CEP128: variants seen among roughly 807,000 people sequenced by gnomAD.
CEP128 encodes centrosomal protein 128kDa.
A neutral mutation model predicts 156.7 loss-of-function variants in CEP128; 132 were observed. The ratio of observed to expected loss-of-function variants is 0.84; its 90% CI spans 0.73 to 0.97. The LOEUF (loss-of-function observed/expected upper bound fraction) is 0.97, where lower values mean the gene tolerates loss of function less well. Ranked by LOEUF, CEP128 falls within the 50% of genes least tolerant of loss-of-function variation. CEP128 has a pLI of 0.00. For synonymous variants in CEP128, 469 were observed against 448.9 expected (o/e 1.04, Z -0.57); for missense variants, 1,252 against 1,281.9 (o/e 0.98, Z 0.36).
rs910525768 is a variant in CEP128 at position 80,950,431 on chromosome 14, T to C, written c.-172+7747A>G. 1.8e-4 allele frequency among the ~76,000 whole-genome samples: 27 copies of C among 152,070 alleles called. 1 individual carries two copies. Among genetic ancestry groups the C allele is most frequent in the African/African-American group, 5.8e-4 (24 of 41,390 alleles). On this transcript the variant is annotated intron_variant, in intron 2 of 7. Coordinates refer to the CEP128 transcript ENST00000555529. ...TCAAAAAGTGTTATATAAAGAGACA[T>C]GGAAAATATGAAAAAAGCCCCAAGT...
At chr14:80,514,693 T>G (rs1174191872) in intron 23 of CEP128, 3 of 420,704 alleles carry the variant, frequency 7.1e-6, no homozygotes, top group Non-Finnish European at 1.4e-5. Flanking sequence ...AGGTCACATA[T>G]TTTTGTCACT....
chr14:80,912,833 A>G (rs1884326996), intron 4 of CEP128, among the ~76,000 whole-genome samples: 2 of 152,130 alleles, frequency 1.3e-5, no homozygotes, highest in East Asian at 3.8e-4. Context: ...TCAATACAAC[A>G]CAGATATGTA....
intron 19 of CEP128, among the ~76,000 whole-genome samples, chr14:80,725,340 G>A (rs1045576765): frequency 5.3e-5 from 8 of 151,560 alleles, no homozygotes; most frequent in African/African-American, 1.7e-4. Context: ...CCACCATGAC[G>A]CCCGGCTAAT....
chr14:80,878,673 C>CATGGGTAAGA (rs1760507074), intron 8 of CEP128, among the ~76,000 whole-genome samples: 1 of 152,060 alleles, frequency 6.6e-6, no homozygotes, highest in African/African-American at 2.4e-5. Context: ...TGCCTGCTCC[C>CATGGGTAAGA]ATGGGTAAGA....
At chr14:80,882,346 T>C (rs1040206941) in intron 8 of CEP128, among the ~76,000 whole-genome samples, 4 of 152,088 alleles carry the variant, frequency 2.6e-5, no homozygotes, top group African/African-American at 7.2e-5. Context: ...ATCAGAGAAA[T>C]ACAAATCAAA....
At chr14:80,507,626 T>C (rs555526803) in intron 23 of CEP128, among the ~76,000 whole-genome samples, 1 of 152,260 alleles carries the variant, frequency 6.6e-6, no homozygotes, top group East Asian at 1.9e-4. Context: ...GCTTTGATGA[T>C]TAGAGGCCAA....
At chr14:80,833,489 T>C (rs1217166908) in intron 12 of CEP128, among the ~76,000 whole-genome samples, 1 of 151,878 alleles carries the variant, frequency 6.6e-6, no homozygotes, top group Non-Finnish European at 1.5e-5. Context: ...GTATAAAATA[T>C]AAACAGCATT....
chr14:80,552,295 G>A (rs1168560905), intron 21 of CEP128, among the ~76,000 whole-genome samples: 1 of 145,128 alleles, frequency 6.9e-6, no homozygotes, highest in African/African-American at 2.6e-5. Context: ...GGGTGACAGA[G>A]TGAAACTCCA....
intron 15 of CEP128, among the ~76,000 whole-genome samples, chr14:80,781,566 A>G (rs1263718901): frequency 1.3e-5 from 2 of 151,996 alleles, no homozygotes; most frequent in Non-Finnish European, 2.9e-5. Flanking sequence ...ATAATTAACG[A>G]AGGTTTTTCA....
At chr14:80,745,609 T>G (rs969892108) in intron 18 of CEP128, among the ~76,000 whole-genome samples, 1 of 152,146 alleles carries the variant, frequency 6.6e-6, no homozygotes, top group African/African-American at 2.4e-5. Context: ...CTCCTTAATA[T>G]GATTTTTAAA....
chr14:80,892,261 A>C (rs1889137328), intron 8 of CEP128, among the ~76,000 whole-genome samples: 1 of 151,970 alleles, frequency 6.6e-6, no homozygotes, highest in African/African-American at 2.4e-5. Context: ...ACCCAAACAG[A>C]TATGGTCAAC....
intron 11 of CEP128, 69 bp from the exon 12 acceptor site, chr14:80,836,406 T>C (rs183478521): frequency 1.0e-5 from 16 of 1,566,166 alleles, no homozygotes; most frequent in Admixed American, 1.7e-5. Context: ...AATGGGCTAT[T>C]GTAAACACAA....
chr14:80,885,466 T>C (rs1441789075), intron 8 of CEP128, among the ~76,000 whole-genome samples: 1 of 152,150 alleles, frequency 6.6e-6, no homozygotes, highest in African/African-American at 2.4e-5. Context: ...CAGCCTCTGC[T>C]GGTGATACCC....
chr14:80,904,461 G>A (rs1883767260), intron 6 of CEP128, among the ~76,000 whole-genome samples: 1 of 151,988 alleles, frequency 6.6e-6, no homozygotes, highest in Non-Finnish European at 1.5e-5. Context: ...CAATAATAAT[G>A]TATTATATAT....
intron 13 of CEP128, among the ~76,000 whole-genome samples, chr14:80,828,320 A>G (rs1273236555): frequency 6.6e-6 from 1 of 151,740 alleles, no homozygotes; most frequent in East Asian, 1.9e-4. Flanking sequence ...ATGTGGTTTC[A>G]CCATGTTGGC....
chr14:80,543,576 TGGC>T (rs1889858786), intron 21 of CEP128, among the ~76,000 whole-genome samples: 9 of 152,228 alleles, frequency 5.9e-5, no homozygotes. Flanking sequence ...CTTCAACCAC[TGGC>T]TGTGAAAAAT....
At chr14:80,748,761 G>A (rs914784051) in intron 18 of CEP128, among the ~76,000 whole-genome samples, 16 of 152,234 alleles carry the variant, frequency 1.1e-4, no homozygotes, top group African/African-American at 3.9e-4. Flanking sequence ...TTAACCAAAG[G>A]AGAGGGAAGA....
chr14:80,781,195 T>A (rs975651580), intron 15 of CEP128, among the ~76,000 whole-genome samples: 7 of 152,316 alleles, frequency 4.6e-5, no homozygotes, highest in Non-Finnish European at 1.0e-4. Context: ...CAGTGGCTCA[T>A]GCCTGTCATC....
At chr14:80,576,669 G>A (rs959973914) in intron 20 of CEP128, among the ~76,000 whole-genome samples, 1 of 151,316 alleles carries the variant, frequency 6.6e-6, no homozygotes, top group African/African-American at 2.4e-5. Context: ...GTCTGTGTCT[G>A]TGTCTATACA....
Sources: allele counts gnomAD v4.1 joint callset (sites outside exome capture counted in the v4.1 genomes callset), GRCh38; gene constraint gnomAD v4.1.1; transcripts MANE v1.5; gene names NCBI Gene and HGNC (gene_info 2026-07-23, HGNC 2026-07-21).